The following GPR45 variants were observed in gnomAD, a reference collection of about 807,000 sequenced individuals.
GPR45 encodes the protein probable G protein-coupled receptor 45.
GPR45 carries 7 observed loss-of-function variants against 5.9 expected under a neutral mutation model. The observed-to-expected ratio is 1.19, with a 90% CI of 0.68 to 2.23. The LOEUF is 2.23. GPR45 is among the 30% of genes most tolerant of loss of function. GPR45 has a pLI of 0.00. For synonymous variants in GPR45, 220 were observed against 226.3 expected, an observed-to-expected ratio of 0.97 and a Z score of 0.25; for missense variants, 440 against 496.9, an observed-to-expected ratio of 0.89 and a Z score of 1.09.
In GPR45 at chr2:105,242,107, G is replaced by A. The variant is rs1275224686; in HGVS notation, c.249G>A (p.Leu83=). Residue 83 remains leucine, a synonymous_variant, in exon 1 of 1, where the codon CTG becomes CTA. Transcript: ENST00000258456. The surrounding 1 kb of genome is among the most constrained non-coding windows in gnomAD (Gnocchi z 4.8). ...CCCTGGCCTTCTCCGACATCATGCT[G>A]TCCCTCTGCTGCATGCCCTTCACCG... ...LATLAFSDIM[L]SLCCMPFTAV... is the part of the protein sequence containing the mutation. The A allele has an allele frequency of 3.7e-6, 6 of 1,614,188 alleles. No homozygotes were observed. Among genetic ancestry groups the A allele is most frequent in the Non-Finnish European group, 4.2e-6 (5 of 1,180,048 alleles).
In GPR45 at chr2:105,242,875, G is replaced by A. The variant is rs1335883832; in HGVS notation, c.1017G>A (p.Leu339=). Residue 339 remains leucine, a synonymous_variant, in exon 1 of 1, where the codon CTG becomes CTA. Coordinates refer to ENST00000258456, the MANE Select transcript of GPR45 (RefSeq NM_007227.3). The surrounding 1 kb of genome is among the most constrained non-coding windows in gnomAD (Gnocchi z 4.8). ...TCCGCGAGGCCTGCATAGAGTTGCTGCCCCAGACCTTCCAAATCCTCCCCA... is the reference window on the plus strand; with the variant it reads ...TCCGCGAGGCCTGCATAGAGTTGCTACCCCAGACCTTCCAAATCCTCCCCA... ...KKFREACIEL[L]PQTFQILPKV... is the part of the protein sequence containing the mutation. 17 of 1,614,174 alleles carry A rather than the reference G, an allele frequency of 1.1e-5. No homozygotes were observed. Among genetic ancestry groups the A allele is most frequent in the Middle Eastern group, 1.6e-4 (1 of 6,062 alleles).
At position 105,242,196 on chromosome 2, in the gene GPR45, T is replaced by A. The variant is rs1285677959; in HGVS notation, c.338T>A (p.Leu113His). The A allele has an allele frequency of 5.0e-6, 8 of 1,614,108 alleles. No homozygotes were observed. Among genetic ancestry groups the A allele is most frequent in the Non-Finnish European group, 5.1e-6 (6 of 1,180,038 alleles). Residue 113 changes from leucine to histidine, a missense_variant, in exon 1 of 1, where the codon CTC (leucine) becomes CAC (histidine). Physicochemically the swap from Leu to His is moderately conservative, Grantham distance 99 (BLOSUM62 -3). Coordinates refer to ENST00000258456, the MANE Select transcript of GPR45 (RefSeq NM_007227.3). The surrounding 1 kb of genome is among the most constrained non-coding windows in gnomAD (Gnocchi z 4.8). Reference protein sequence around the residue: ...GDHFCRLSATLYWFFVLEGVA... With the variant: ...GDHFCRLSATHYWFFVLEGVA... ...CACTTCTGCCGCCTCTCAGCCACGC[T>A]CTACTGGTTTTTTGTCCTGGAGGGC...
At position 105,242,761 on chromosome 2, in the gene GPR45, C is replaced by T. The variant is rs1676375992; in HGVS notation, c.903C>T (p.Ser301=). The change falls in exon 1 of 1, where the codon TCC becomes TCT. Residue 301 remains serine, a synonymous_variant. Coordinates refer to ENST00000258456, the MANE Select transcript of GPR45 (RefSeq NM_007227.3). This position sits in a 1 kb window ranked among gnomAD's most constrained non-coding sequence, Gnocchi z 4.8. ...GCCAGCGCTTTTACTGCGGTTCCTCCTTCTACGCCACCAGCACCTGCGTCC... is the reference window on the plus strand; with the variant it reads ...GCCAGCGCTTTTACTGCGGTTCCTCTTTCTACGCCACCAGCACCTGCGTCC... The part of the protein sequence containing the change: ...VFSQRFYCGS[S]FYATSTCVLW... 1 of 1,614,108 alleles carries T rather than the reference C, an allele frequency of 6.2e-7. No homozygotes were observed. Among genetic ancestry groups the T allele is most frequent in the African/African-American group, 1.3e-5 (1 of 74,946 alleles).
In GPR45 at chr2:105,242,148, C is replaced by A; in HGVS notation, c.290C>A (p.Thr97Asn). Residue 97 changes from threonine (T) to asparagine (N), a missense_variant, in exon 1 of 1, where the codon ACC becomes AAC. Thr to Asn is a moderately conservative substitution (Grantham distance 65). Coordinates refer to ENST00000258456, the MANE Select transcript of GPR45 (RefSeq NM_007227.3). This position sits in a 1 kb window ranked among gnomAD's most constrained non-coding sequence, Gnocchi z 4.8. Reference sequence around the variant, plus strand: ...CCCTTCACCGCCGTCACCCTCATCACCGTGCGCTGGCACTTTGGGGACCAC... The same window carrying A: ...CCCTTCACCGCCGTCACCCTCATCAACGTGCGCTGGCACTTTGGGGACCAC... ...CMPFTAVTLI[T>N]VRWHFGDHFC... is the part of the protein sequence containing the mutation. 1 of 1,614,206 alleles carries A rather than the reference C, an allele frequency of 6.2e-7. No individual in the cohort carries two copies. The highest frequency in any genetic ancestry group is 8.5e-7 in the Non-Finnish European group (1 of 1,180,048).
Position 105,241,824 on chromosome 2 carries a change from G to T in GPR45, c.-35G>T, listed in dbSNP as rs779212932. On this transcript the variant is annotated 5_prime_UTR_variant, in exon 1 of 1. Transcript: ENST00000258456. Reference sequence around the variant, plus strand: ...CCAAGTGCTGAGGGGAGCCCTCCCGGCCATTTCTGTCCCAGCTCCAAGGGT... The same window carrying T: ...CCAAGTGCTGAGGGGAGCCCTCCCGTCCATTTCTGTCCCAGCTCCAAGGGT... 9 of 1,525,264 alleles carry T rather than the reference G, an allele frequency of 5.9e-6. No homozygotes were observed. Among genetic ancestry groups the T allele is most frequent in the Middle Eastern group, 1.8e-4 (1 of 5,518 alleles). 94.5% of individuals were successfully genotyped at this position (1,525,264 alleles called of 1,614,324 possible). A position where few individuals can be genotyped will look rare whatever the true frequency, so the allele number is the denominator to read the frequency against.
chr2:105,242,635 G>C lies in GPR45; in HGVS notation c.777G>C (p.Leu259Phe). The change falls in exon 1 of 1, where the codon TTG becomes TTC. Residue 259 changes from leucine (L) to phenylalanine (F), a missense_variant. Coordinates refer to ENST00000258456, the MANE Select transcript of GPR45 (RefSeq NM_007227.3). This position sits in a 1 kb window ranked among gnomAD's most constrained non-coding sequence, Gnocchi z 4.8. ...LQRQQQVSVD[L>F]SFKTKAFTTI... ...GGCAGCAACAGGTCAGCGTGGACTT[G>C]AGCTTCAAGACCAAGGCCTTCACCA... 6.2e-7 allele frequency: 1 copy of C among 1,602,976 alleles called. No individual in the cohort carries two copies. Among genetic ancestry groups the C allele is most frequent in the Non-Finnish European group, 8.5e-7 (1 of 1,173,312 alleles).
In GPR45 at chr2:105,242,463, C is replaced by T. The variant is rs779534228; in HGVS notation, c.605C>T (p.Ala202Val). The change falls in exon 1 of 1, where the codon GCC becomes GTC. Residue 202 changes from alanine (A) to valine (V), a missense_variant. Transcript: ENST00000258456. This position sits in a 1 kb window ranked among gnomAD's most constrained non-coding sequence, Gnocchi z 4.8. ...DRAYVVTLVVAVFFAPFGVML... is the reference protein window; with the variant it reads ...DRAYVVTLVVVVFFAPFGVML... ...GCCTACGTGGTCACCTTGGTGGTGG[C>T]CGTGTTCTTCGCGCCCTTTGGCGTC... 6.2e-7 allele frequency: 1 copy of T among 1,606,812 alleles called. No homozygotes were observed. Among genetic ancestry groups the T allele is most frequent in the Admixed American group, 1.7e-5 (1 of 59,978 alleles).
chr2:105,242,538 T>G lies in GPR45; in HGVS notation c.680T>G (p.Val227Gly). The change falls in exon 1 of 1, where the codon GTG becomes GGG. Residue 227 changes from valine (V) to glycine (G), a missense_variant. Physicochemically the swap from Val to Gly is moderately radical, Grantham distance 109. Transcript: ENST00000258456. This position sits in a 1 kb window ranked among gnomAD's most constrained non-coding sequence, Gnocchi z 4.8. Reference protein sequence around the residue: ...CILNTVRKNAVRVHNQSDSLD... With the variant: ...CILNTVRKNAGRVHNQSDSLD... The stretch of plus-strand genomic sequence containing the variant: ...CTCAACACGGTCCGCAAGAACGCCG[T>G]GCGCGTGCACAACCAGTCGGACAGC... The G allele has an allele frequency of 6.2e-7, 1 of 1,607,730 alleles. No homozygotes were observed. The highest frequency in any genetic ancestry group is 8.5e-7 in the Non-Finnish European group (1 of 1,179,902).
Position 105,242,488 on chromosome 2 carries a change from C to T in GPR45, c.630C>T (p.Val210=). The T allele has an allele frequency of 6.2e-7, 1 of 1,605,580 alleles. No homozygotes were observed. ...CCGTGTTCTTCGCGCCCTTTGGCGT[C>T]ATGCTGTGCGCCTACATGTGCATCC... ...VVAVFFAPFG[V]MLCAYMCILN... is the part of the protein sequence containing the mutation. Residue 210 remains valine, a synonymous_variant, in exon 1 of 1, where the codon GTC becomes GTT. Coordinates refer to ENST00000258456, the MANE Select transcript of GPR45 (RefSeq NM_007227.3). The surrounding 1 kb of genome is among the most constrained non-coding windows in gnomAD (Gnocchi z 4.8).
In GPR45 at chr2:105,242,442, A is replaced by G; in HGVS notation, c.584A>G (p.Tyr195Cys). The G allele has an allele frequency of 6.2e-7, 1 of 1,608,938 alleles. No homozygotes were observed. Among genetic ancestry groups the G allele is most frequent in the Non-Finnish European group, 8.5e-7 (1 of 1,179,788 alleles). The change falls in exon 1 of 1, where the codon TAC becomes TGC. Residue 195 changes from tyrosine (Y) to cysteine (C), a missense_variant. Coordinates refer to ENST00000258456, the MANE Select transcript of GPR45 (RefSeq NM_007227.3). The surrounding 1 kb of genome is among the most constrained non-coding windows in gnomAD (Gnocchi z 4.8). ...ACGGAGCTCCCCGCTGACCGCGCCT[A>G]CGTGGTCACCTTGGTGGTGGCCGTG... ...GYTELPADRA[Y>C]VVTLVVAVFF...
chr2:105,242,824 C>T lies in GPR45; in HGVS notation c.966C>T (p.Ile322=), dbSNP rs758939694. The stretch of plus-strand genomic sequence containing the variant: ...ACCTCAAGTCCGTCTTCAACCCCAT[C>T]GTCTACTGCTGGAGAATCAAAAAAT... ...LSYLKSVFNP[I]VYCWRIKKFR... is the part of the protein sequence containing the mutation. The change falls in exon 1 of 1, where the codon ATC becomes ATT. Residue 322 remains isoleucine (I), a synonymous_variant. Coordinates refer to ENST00000258456, the MANE Select transcript of GPR45 (RefSeq NM_007227.3). The surrounding 1 kb of genome is among the most constrained non-coding windows in gnomAD (Gnocchi z 4.8). 5.6e-6 allele frequency: 9 copies of T among 1,614,108 alleles called. No individual in the cohort carries two copies. The East Asian group carries it at 1.3e-4, about 24-fold the overall frequency.
Position 105,242,267 on chromosome 2 carries a change from G to A in GPR45, c.409G>A (p.Val137Ile), listed in dbSNP as rs572247634. The change falls in exon 1 of 1, where the codon GTC becomes ATC. Residue 137 changes from valine (V) to isoleucine (I), a missense_variant. Transcript: ENST00000258456. The surrounding 1 kb of genome is among the most constrained non-coding windows in gnomAD (Gnocchi z 4.8). Reference sequence around the variant, plus strand: ...CAGCGTGGACCGCTTCCTCATCATCGTCCAGCGCCAGGACAAGCTGAACCC... The same window carrying A: ...CAGCGTGGACCGCTTCCTCATCATCATCCAGCGCCAGGACAAGCTGAACCC... ...IISVDRFLII[V>I]QRQDKLNPRR... 40 of 1,614,080 alleles carry A rather than the reference G, an allele frequency of 2.5e-5. No individual in the cohort carries two copies. The South Asian group carries it at 3.8e-4, about 16-fold the overall frequency.
Position 105,242,567 on chromosome 2 carries a change from G to T in GPR45, c.709G>T (p.Asp237Tyr). The T allele has an allele frequency of 6.2e-7, 1 of 1,610,354 alleles. No homozygotes were observed. The change falls in exon 1 of 1, where the codon GAC becomes TAC. Residue 237 changes from aspartate (D) to tyrosine (Y), a missense_variant. Physicochemically the swap from Asp to Tyr is radical, Grantham distance 160 (BLOSUM62 -3). Transcript: ENST00000258456. This position sits in a 1 kb window ranked among gnomAD's most constrained non-coding sequence, Gnocchi z 4.8. Reference protein sequence around the residue: ...VRVHNQSDSLDLRQLTRAGLR... With the variant: ...VRVHNQSDSLYLRQLTRAGLR... ...CGTGCACAACCAGTCGGACAGCCTG[G>T]ACCTGCGGCAGCTCACCAGGGCGGG...
chr2:105,241,766 A>G lies in GPR45; in HGVS notation c.-93A>G. On this transcript the variant is annotated 5_prime_UTR_variant, in exon 1 of 1. Transcript: ENST00000258456. ...CCCAGAGGTCCACAGACATCCAGGA[A>G]GATGCAGCCAGCAGACAAAGAATGG... The G allele has an allele frequency of 1.4e-6, 2 of 1,384,880 alleles. No individual in the cohort carries two copies. Among genetic ancestry groups the G allele is most frequent in the Non-Finnish European group, 9.8e-7 (1 of 1,022,272 alleles). 85.8% of individuals were successfully genotyped at this position (1,384,880 alleles called of 1,614,324 possible).
At position 105,243,181 on chromosome 2, in the gene GPR45, G is replaced by A. The variant is rs1365711879; in HGVS notation, c.*204G>A. On this transcript the variant is annotated 3_prime_UTR_variant, in exon 1 of 1. Coordinates refer to ENST00000258456, the MANE Select transcript of GPR45 (RefSeq NM_007227.3). Reference sequence around the variant, plus strand: ...AATTATTTTTGTTTCTCTTTGCAGAGAGCCAAATATGGGGCTGATGGGAAC... The same window carrying A: ...AATTATTTTTGTTTCTCTTTGCAGAAAGCCAAATATGGGGCTGATGGGAAC... The A allele has an allele frequency of 5.4e-5, 36 of 667,648 alleles. No individual in the cohort carries two copies. The highest frequency in any genetic ancestry group is 6.5e-5 in the Non-Finnish European group (26 of 402,592). The allele number at this position is 667,648 out of a possible 1,614,324, so 41.4% of individuals were successfully genotyped here. A position where few individuals can be genotyped will look rare whatever the true frequency, so the allele number is the denominator to read the frequency against.
chr2:105,242,620 G>C lies in GPR45; in HGVS notation c.762G>C (p.Gln254His), dbSNP rs143732878. Residue 254 changes from glutamine (Q) to histidine (H), a missense_variant, in exon 1 of 1, where the codon CAG (glutamine) becomes CAC (histidine). Coordinates refer to ENST00000258456, the MANE Select transcript of GPR45 (RefSeq NM_007227.3). The surrounding 1 kb of genome is among the most constrained non-coding windows in gnomAD (Gnocchi z 4.8). ...AGLRRLQRQQ[Q>H]VSVDLSFKTK... is the part of the protein sequence containing the mutation. ...TGCGGCGCCTGCAGCGGCAGCAACAGGTCAGCGTGGACTTGAGCTTCAAGA... is the reference window on the plus strand; with the variant it reads ...TGCGGCGCCTGCAGCGGCAGCAACACGTCAGCGTGGACTTGAGCTTCAAGA... 2 of 1,607,324 alleles carry C rather than the reference G, an allele frequency of 1.2e-6. No homozygotes were observed. The highest frequency in any genetic ancestry group is 1.7e-6 in the Non-Finnish European group (2 of 1,175,812).
chr2:105,242,790 G>A lies in GPR45; in HGVS notation c.932G>A (p.Trp311Ter). The A allele has an allele frequency of 6.2e-6, 10 of 1,614,240 alleles. No homozygotes were observed. The highest frequency in any genetic ancestry group is 7.6e-6 in the Non-Finnish European group (9 of 1,180,042). Residue 311 changes from tryptophan to a stop codon, truncating the protein, a stop_gained, in exon 1 of 1, where the codon TGG (tryptophan) becomes TAG (stop). Coordinates refer to ENST00000258456, the MANE Select transcript of GPR45 (RefSeq NM_007227.3). LOFTEE classifies it high-confidence loss of function. This position sits in a 1 kb window ranked among gnomAD's most constrained non-coding sequence, Gnocchi z 4.8. ...SFYATSTCVL[W>*]LSYLKSVFNP... ...TACGCCACCAGCACCTGCGTCCTGT[G>A]GCTCAGTTACCTCAAGTCCGTCTTC...
In GPR45 at chr2:105,243,176, G is replaced by C. The variant is rs1167440057; in HGVS notation, c.*199G>C. ...CGATGAATTATTTTTGTTTCTCTTT[G>C]CAGAGAGCCAAATATGGGGCTGATG... On this transcript the variant is annotated 3_prime_UTR_variant, in exon 1 of 1. Transcript: ENST00000258456. 1 of 688,692 alleles carries C rather than the reference G, an allele frequency of 1.5e-6. No homozygotes were observed. The highest frequency in any genetic ancestry group is 2.4e-6 in the Non-Finnish European group (1 of 419,590). 42.7% of individuals were successfully genotyped at this position (688,692 alleles called of 1,614,324 possible).
Position 105,243,281 on chromosome 2 carries a change from CAG to C in GPR45, c.*305_*306del, listed in dbSNP as rs1258607879. Among the ~76,000 whole-genome samples, 1 of 152,026 alleles carries C rather than the reference CAG, an allele frequency of 6.6e-6. No homozygotes were observed. Among genetic ancestry groups the C allele is most frequent in the Non-Finnish European group, 1.5e-5 (1 of 68,016 alleles). ...GGGCAGAAAGGGAGGAGGAGGGCAA[CAG>C]GGAATGAAGCTGGTTGAGTGTGGGG... On this transcript the variant is annotated 3_prime_UTR_variant, in exon 1 of 1. Transcript: ENST00000258456.
Sources: allele counts gnomAD v4.1 joint callset (sites outside exome capture counted in the v4.1 genomes callset), GRCh38; gene constraint gnomAD v4.1.1; non-coding constraint Gnocchi (gnomAD v3.1); transcripts MANE v1.5; gene names NCBI Gene and HGNC (gene_info 2026-07-23, HGNC 2026-07-21).